Variants in CAMK1D observed in about 807,000 individuals in gnomAD.
CAMK1D encodes calcium/calmodulin-dependent protein kinase type 1D.
A neutral mutation model predicts 47.7 loss-of-function variants in CAMK1D; 9 were observed. The ratio of observed to expected loss-of-function variants is 0.19; its 90% confidence interval spans 0.11 to 0.33. The LOEUF is 0.33. CAMK1D is among the 10% of genes least tolerant of loss of function. The pLI is 1.00. For synonymous variants in CAMK1D, 184 were observed against 184.9 expected, an observed-to-expected ratio of 0.99 and a Z score of 0.04; for missense variants, 291 against 488.7, an observed-to-expected ratio of 0.60 and a Z score of 3.81.
chr10:12,546,209 G>A (rs538858508), intron 1 of CAMK1D, among the ~76,000 whole-genome samples: 2 of 152,240 alleles, frequency 1.3e-5, no homozygotes, highest in South Asian at 4.1e-4. Context: ...CAGTGGGCTC[G>A]CTGGGGGCTA....
chr10:12,555,369 A>G (rs1836728114), intron 2 of CAMK1D, among the ~76,000 whole-genome samples: 1 of 152,224 alleles, frequency 6.6e-6, no homozygotes, highest in African/African-American at 2.4e-5. Context: ...TAAGTGTTTG[A>G]GAACAAACAG....
At chr10:12,669,116 C>T (rs1331662418) in intron 3 of CAMK1D, among the ~76,000 whole-genome samples, 1 of 152,098 alleles carries the variant, frequency 6.6e-6, no homozygotes, top group Non-Finnish European at 1.5e-5. Flanking sequence ...CCTGCAGTCA[C>T]ATCTACTCAG....
chr10:12,464,048 C>CT (rs1199071434), intron 1 of CAMK1D, among the ~76,000 whole-genome samples: 1 of 152,180 alleles, frequency 6.6e-6, no homozygotes, highest in African/African-American at 2.4e-5. Context: ...AACCTCTTTC[C>CT]TTTATAAATC....
intron 2 of CAMK1D, among the ~76,000 whole-genome samples, chr10:12,562,911 A>G (rs993685224): frequency 2.0e-5 from 3 of 152,232 alleles, no homozygotes; most frequent in Admixed American, 6.5e-5. Flanking sequence ...TGATTAGGCA[A>G]AGAAGGTTTA....
intron 1 of CAMK1D, among the ~76,000 whole-genome samples, chr10:12,482,427 C>A (rs1032416220): frequency 6.6e-6 from 1 of 152,222 alleles, no homozygotes; most frequent in African/African-American, 2.4e-5. Flanking sequence ...AAGTAACTTT[C>A]TTCCTGCTAA....
intron 3 of CAMK1D, among the ~76,000 whole-genome samples, chr10:12,723,838 C>A (rs531678049): frequency 6.6e-6 from 1 of 152,032 alleles, no homozygotes; most frequent in Non-Finnish European, 1.5e-5. Context: ...TATACATGTG[C>A]CATGTTGGTG....
chr10:12,388,531 T>C (rs1838603950), intron 1 of CAMK1D, among the ~76,000 whole-genome samples: 1 of 152,132 alleles, frequency 6.6e-6, no homozygotes, highest in Non-Finnish European at 1.5e-5. Flanking sequence ...GCCCAGGAAA[T>C]GTTTTTGGCA....
intron 3 of CAMK1D, among the ~76,000 whole-genome samples, chr10:12,734,432 A>C (rs1588864429): frequency 2.6e-5 from 1 of 38,198 alleles, no homozygotes. Context: ...GTATATATAT[A>C]TACACACACA....
intron 1 of CAMK1D, among the ~76,000 whole-genome samples, chr10:12,461,727 T>C (rs1481495369): frequency 6.7e-6 from 1 of 148,664 alleles, no homozygotes; most frequent in Non-Finnish European, 1.5e-5. Flanking sequence ...AAAGTAAGAA[T>C]ACCCAAAAGT....
At chr10:12,597,635 A>G (rs1304467390) in intron 2 of CAMK1D, among the ~76,000 whole-genome samples, 1 of 152,080 alleles carries the variant, frequency 6.6e-6, no homozygotes, top group Non-Finnish European at 1.5e-5. Flanking sequence ...CGTTGTGGGG[A>G]GCCGGTTCCT....
At chr10:12,367,365 T>C (rs186507298) in intron 1 of CAMK1D, among the ~76,000 whole-genome samples, 10 of 152,232 alleles carry the variant, frequency 6.6e-5, no homozygotes, top group Non-Finnish European at 1.0e-4. Context: ...GGGATCAGTT[T>C]CGTGGAAGAC....
At chr10:12,516,989 G>C (rs1291952765) in intron 1 of CAMK1D, among the ~76,000 whole-genome samples, 1 of 152,122 alleles carries the variant, frequency 6.6e-6, no homozygotes, top group Non-Finnish European at 1.5e-5. Context: ...TAATATCTTT[G>C]TAGTATTGAC....
At chr10:12,721,726 T>C (rs1834386084) in intron 3 of CAMK1D, among the ~76,000 whole-genome samples, 1 of 152,162 alleles carries the variant, frequency 6.6e-6, no homozygotes, top group South Asian at 2.1e-4. Flanking sequence ...CTCCAGATAG[T>C]AGTCATTAGG....
chr10:12,810,779 G>C (rs1832571485), intron 6 of CAMK1D, among the ~76,000 whole-genome samples: 1 of 152,296 alleles, frequency 6.6e-6, no homozygotes, highest in South Asian at 2.1e-4. Flanking sequence ...AAATAGTTAA[G>C]AACACAGGCC....
At chr10:12,483,853 ATTG>A (rs1375384994) in intron 1 of CAMK1D, among the ~76,000 whole-genome samples, 1 of 151,856 alleles carries the variant, frequency 6.6e-6, no homozygotes, top group Non-Finnish European at 1.5e-5. Context: ...TGAGCAGCTA[ATTG>A]TTGTATTTTT....
chr10:12,358,504 G>C (rs963631056), intron 1 of CAMK1D, among the ~76,000 whole-genome samples: 1 of 152,174 alleles, frequency 6.6e-6, no homozygotes, highest in Non-Finnish European at 1.5e-5. Flanking sequence ...CTCCACTCCA[G>C]CTTGGGCGAC....
intron 4 of CAMK1D, 72 bp downstream of exon 4, chr10:12,761,158 GC>G: frequency 6.5e-7 from 1 of 1,543,520 alleles, no homozygotes; most frequent in Non-Finnish European, 8.8e-7. Context: ...GAGGGCTGAT[GC>G]CAGTGGGGGC....
intron 3 of CAMK1D, among the ~76,000 whole-genome samples, chr10:12,752,968 G>A (rs936737696): frequency 7.2e-5 from 11 of 152,164 alleles, no homozygotes; most frequent in East Asian, 1.9e-4. Context: ...ACAATTGGCC[G>A]GGCATGGTGG....
At chr10:12,619,803 A>G (rs1341000978) in intron 2 of CAMK1D, among the ~76,000 whole-genome samples, 1 of 152,070 alleles carries the variant, frequency 6.6e-6, no homozygotes, top group East Asian at 1.9e-4. Flanking sequence ...AGCTTCTGGA[A>G]TTCCTCATGG....
Sources: allele counts gnomAD v4.1 joint callset (sites outside exome capture counted in the v4.1 genomes callset), GRCh38; gene constraint gnomAD v4.1.1; transcripts MANE v1.5; gene names NCBI Gene and HGNC (gene_info 2026-07-23, HGNC 2026-07-21).